The following COL8A2 variants were observed in gnomAD, a reference collection of about 807,000 sequenced individuals.
COL8A2 encodes collagen alpha-2(VIII) chain.
A neutral mutation model predicts 24.0 loss-of-function variants in COL8A2; 16 were observed. That is an observed-to-expected ratio of 0.67 (90% confidence interval 0.45 to 1.01). The LOEUF (loss-of-function observed/expected upper bound fraction) is 1.01, where lower values mean the gene tolerates loss of function less well. Ranked by LOEUF, COL8A2 falls within the 50% of genes least tolerant of loss-of-function variation. The probability of loss-of-function intolerance (pLI) is 0.00; values close to 1 mark genes in which losing one functional copy is unlikely to be tolerated. For missense variants in COL8A2, 818 were observed against 942.4 expected, an observed-to-expected ratio of 0.87 and a Z score of 1.73; for synonymous variants, 466 against 424.5, an observed-to-expected ratio of 1.10 and a Z score of -1.20.
chr1:36,112,820 C>T (rs774760486), intron 2 of COL8A2, among the ~76,000 whole-genome samples: 18 of 152,254 alleles, frequency 1.2e-4, no homozygotes, highest in African/African-American at 3.4e-4. Context: ...CATCGAGATT[C>T]GGTTGGTGTG....
At chr1:36,103,157 G>T (rs1038080913) in intron 2 of COL8A2, among the ~76,000 whole-genome samples, 1 of 151,786 alleles carries the variant, frequency 6.6e-6, no homozygotes, top group African/African-American at 2.4e-5. Context: ...TAAAGACAGG[G>T]TCTCACTGTG....
In COL8A2 at chr1:36,100,170, G is replaced by A. The variant is rs546556937; in HGVS notation, c.73C>T (p.Arg25Trp). 7.4e-5 allele frequency: 119 copies of A among 1,610,560 alleles called. No homozygotes were observed. The highest frequency in any genetic ancestry group is 5.0e-4 in the Middle Eastern group (3 of 6,046). Residue 25 changes from arginine to tryptophan, a missense_variant, in exon 3 of 4, where the codon CGG (arginine) becomes TGG (tryptophan). By Grantham distance (101) the Arg-to-Trp change is moderately radical. This residue lies in a region of COL8A2 where 573 missense variants were observed against 616.8 expected (regional missense o/e 0.93). Transcript: ENST00000397799. ...CCGGCCCCGCCACCAGAGGACGCCC[G>A]CGGCCCACACCCCAGCACCAGCACC... Reference protein sequence around the residue: ...LLVLVLGCGPRASSGGGAGGA... With the variant: ...LLVLVLGCGPWASSGGGAGGA...
Position 36,098,209 on chromosome 1 carries a change from G to C in COL8A2, c.1472C>G (p.Pro491Arg), listed in dbSNP as rs913403298. ...GLKGEPGLPG[P>R]PGEGRAGEPG... is the part of the protein sequence containing the mutation. The stretch of plus-strand genomic sequence containing the variant: ...TTCCCCTGCTCTCCCCTCTCCAGGG[G>C]GCCCTGGCAGGCCTGGTTCCCCCTT... Residue 491 changes from proline to arginine, a missense_variant, in exon 4 of 4, where the codon CCC becomes CGC. Transcript: ENST00000397799. 14 of 1,539,282 alleles carry C rather than the reference G, an allele frequency of 9.1e-6. No homozygotes were observed. The African/African-American group carries it at 1.6e-4, about 18-fold the overall frequency.
At chr1:36,106,563 G>T (rs1191504715) in intron 2 of COL8A2, among the ~76,000 whole-genome samples, 3 of 152,182 alleles carry the variant, frequency 2.0e-5, no homozygotes, top group Non-Finnish European at 4.4e-5. Context: ...GGGAGGGTCT[G>T]CTCTGGCCTG....
chr1:36,099,402 G>C lies in COL8A2; in HGVS notation c.279C>G (p.Pro93=). 1 of 1,556,408 alleles carries C rather than the reference G, an allele frequency of 6.4e-7. No individual in the cohort carries two copies. Among genetic ancestry groups the C allele is most frequent in the Non-Finnish European group, 8.7e-7 (1 of 1,154,600 alleles). ...TGCCTGGTTTTCCTGGGAAGCCAGG[G>C]GGGCCAGGGGGACCCCGAGGCCCGG... ...GKPGPRGPPG[P]PGFPGKPGMG... The change falls in exon 4 of 4, where the codon CCC becomes CCG. Residue 93 remains proline, a synonymous_variant. Transcript: ENST00000397799.
Position 36,097,880 on chromosome 1 carries a change from C to T in COL8A2, c.1801G>A (p.Gly601Ser), listed in dbSNP as rs747313752. Residue 601 changes from glycine to serine, a missense_variant, in exon 4 of 4, where the codon GGC becomes AGC. Coordinates refer to ENST00000397799, the MANE Select transcript of COL8A2 (RefSeq NM_005202.4). ...PVKFDRTLYN[G>S]HSGYNPATGI... ...GTGGCTGGGTTGTAGCCGCTGTGGC[C>T]ATTGTAGAGAGTCCGGTCAAATTTC... The T allele has an allele frequency of 4.3e-6, 7 of 1,612,652 alleles. No homozygotes were observed. The South Asian group carries it at 7.7e-5, about 18-fold the overall frequency.
At chr1:36,124,465 TG>T (rs80329980) in intron 1 of COL8A2, among the ~76,000 whole-genome samples, 10,631 of 152,012 alleles carry the variant, frequency 0.07, 922 homozygotes, top group East Asian at 0.22. Flanking sequence ...AGTCTGGAGC[TG>T]GGGGGATGCT....
At chr1:36,116,463 A>G (rs1468239456) in intron 1 of COL8A2, among the ~76,000 whole-genome samples, 5 of 152,128 alleles carry the variant, frequency 3.3e-5, no homozygotes, top group Non-Finnish European at 5.9e-5. Context: ...AGCTTCTACT[A>G]TGTGGAGGAC....
intron 2 of COL8A2, among the ~76,000 whole-genome samples, chr1:36,107,447 G>A (rs1643777609): frequency 1.3e-5 from 2 of 151,892 alleles, no homozygotes; most frequent in Admixed American, 1.3e-4. Flanking sequence ...CTCTGATGTA[G>A]TGCCATGGAG....
intron 2 of COL8A2, among the ~76,000 whole-genome samples, chr1:36,103,188 C>T (rs1011115821): frequency 6.6e-6 from 1 of 152,190 alleles, no homozygotes. Context: ...TGGTCTCAAA[C>T]TCCTGGGCTC....
At chr1:36,124,368 G>C (rs957295291) in intron 1 of COL8A2, among the ~76,000 whole-genome samples, 1 of 152,158 alleles carries the variant, frequency 6.6e-6, no homozygotes, top group African/African-American at 2.4e-5. Flanking sequence ...TCCAGACCCA[G>C]GGCAGAGACA....
Position 36,100,097 on chromosome 1 carries a change from T to C in COL8A2, c.146A>G (p.Lys49Arg). 1.2e-6 allele frequency: 2 copies of C among 1,612,710 alleles called. No individual in the cohort carries two copies. The highest frequency in any genetic ancestry group is 1.7e-6 in the Non-Finnish European group (2 of 1,179,074). Reference protein sequence around the residue: ...APVKYIQPMQKGPVGPPFREG... With the variant: ...APVKYIQPMQRGPVGPPFREG... ...ACGGAAGGGCGGTCCCACAGGTCCT[T>C]TCTGCATGGGCTGGATGTACTTCAC... is the stretch of plus-strand genomic sequence containing the variant. The change falls in exon 3 of 4, where the codon AAA becomes AGA. Residue 49 changes from lysine (K) to arginine (R), a missense_variant. Lys to Arg is a conservative substitution (Grantham distance 26). Coordinates refer to ENST00000397799, the MANE Select transcript of COL8A2 (RefSeq NM_005202.4).
intron 2 of COL8A2, among the ~76,000 whole-genome samples, chr1:36,107,693 G>T (rs1050556869): frequency 6.6e-6 from 1 of 152,034 alleles, no homozygotes; most frequent in African/African-American, 2.4e-5. Context: ...TGGTGAAACC[G>T]GCAGCCCAGG....
intron 2 of COL8A2, among the ~76,000 whole-genome samples, chr1:36,109,874 G>T (rs1643814250): frequency 6.6e-6 from 1 of 151,316 alleles, no homozygotes; most frequent in South Asian, 2.1e-4. Context: ...GGGATTACAG[G>T]TGTAAGCCAC....
intron 1 of COL8A2, among the ~76,000 whole-genome samples, chr1:36,116,032 TC>T (rs1643877329): frequency 6.7e-6 from 1 of 149,006 alleles, no homozygotes; most frequent in African/African-American, 2.5e-5. Context: ...ACCACTGCAC[TC>T]CTGAGACAGG....
Position 36,099,222 on chromosome 1 carries a change from G to T in COL8A2, c.459C>A (p.Gly153=), listed in dbSNP as rs1472613147. 6.5e-7 allele frequency: 1 copy of T among 1,542,374 alleles called. No individual in the cohort carries two copies. The highest frequency in any genetic ancestry group is 8.7e-7 in the Non-Finnish European group (1 of 1,143,356). ...RGEPGIRGDQ[G]LRGPPGPPGL... is the part of the protein sequence containing the mutation. Reference sequence around the variant, plus strand: ...CAGGGGGTCCTGGGGGTCCCCGGAGGCCCTGGTCCCCTCGTATTCCTGGCT... The same window carrying T: ...CAGGGGGTCCTGGGGGTCCCCGGAGTCCCTGGTCCCCTCGTATTCCTGGCT... The change falls in exon 4 of 4, where the codon GGC becomes GGA. Residue 153 remains glycine, a synonymous_variant. Transcript: ENST00000397799.
At chr1:36,122,550 TCCC>T (rs1643922047) in intron 1 of COL8A2, among the ~76,000 whole-genome samples, 1 of 151,780 alleles carries the variant, frequency 6.6e-6, no homozygotes, top group African/African-American at 2.4e-5. Context: ...AACCCACATC[TCCC>T]CTGCACCTGC....
Position 36,097,301 on chromosome 1 carries a change from TCA to T in COL8A2, c.*266_*267del. 2.4e-6 allele frequency: 1 copy of T among 421,300 alleles called. No homozygotes were observed. The highest frequency in any genetic ancestry group is 4.3e-6 in the Non-Finnish European group (1 of 230,772). The allele number at this position is 421,300 out of a possible 1,614,324, so 26.1% of individuals were successfully genotyped here. A position where few individuals can be genotyped will look rare whatever the true frequency, so the allele number is the denominator to read the frequency against. On this transcript the variant is annotated 3_prime_UTR_variant, in exon 4 of 4. Transcript: ENST00000397799. ...TTCAGGGCCCAGCAGAGGCCAGGAC[TCA>T]CAAGGGGCTGGGCTGTGTGCCTCAG...
chr1:36,101,412 G>A (rs1036986486), intron 2 of COL8A2, among the ~76,000 whole-genome samples: 29 of 152,162 alleles, frequency 1.9e-4, no homozygotes, highest in African/African-American at 6.5e-4. Context: ...GGCCCTGGGA[G>A]GCTGTCATCC....
Sources: gnomAD v4.1 joint callset for allele counts (sites outside exome capture counted in the v4.1 genomes callset) on GRCh38, gnomAD v4.1.1 for gene constraint, gnomAD v4.1.1 regional missense constraint, MANE v1.5 for transcripts, NCBI Gene and HGNC (gene_info 2026-07-23, HGNC 2026-07-21) for gene names.